The following MRPL30 variants were observed in gnomAD, a reference collection of about 807,000 sequenced individuals.
MRPL30 encodes large ribosomal subunit protein uL30m.
In MRPL30, 10 loss-of-function variants were observed where a neutral mutation model predicts 17.2. That is an observed-to-expected ratio of 0.58 (90% CI 0.36 to 0.99). The LOEUF (loss-of-function observed/expected upper bound fraction) is 0.99. Among genes scored for constraint, MRPL30 ranks in the 50% least tolerant of loss-of-function variants. The probability of loss-of-function intolerance (pLI) is 0.01; values close to 1 mark genes in which losing one functional copy is unlikely to be tolerated. For synonymous variants in MRPL30, 61 were observed against 62.1 expected (o/e 0.98, Z 0.08); for missense variants, 170 against 189.8 (o/e 0.90, Z 0.61).
At chr2:99,188,075 A>G in intron 2 of MRPL30, 102 bp from the exon 3 acceptor site, 1 of 767,110 alleles carries the variant, frequency 1.3e-6, no homozygotes, top group Non-Finnish European at 2.1e-6. Context: ...TTTAATAATT[A>G]TAGGGTAGGT....
chr2:99,191,285 G>A (rs990994575), intron 3 of MRPL30, among the ~76,000 whole-genome samples: 45 of 152,092 alleles, frequency 3.0e-4, no homozygotes, highest in Admixed American at 6.5e-4. Context: ...AATTACAGGC[G>A]TGAGCAACCA....
At chr2:99,181,726 T>C (rs963482785) in intron 1 of MRPL30, among the ~76,000 whole-genome samples, 2 of 152,174 alleles carry the variant, frequency 1.3e-5, no homozygotes, top group African/African-American at 2.4e-5. Flanking sequence ...TGTGATTTGT[T>C]ACCATTTTGA....
chr2:99,194,210 A>G (rs1051623156), intron 3 of MRPL30, among the ~76,000 whole-genome samples: 6 of 152,080 alleles, frequency 3.9e-5, no homozygotes, highest in Non-Finnish European at 8.8e-5. Context: ...TATTCGGTAT[A>G]TTTTGTATAC....
At chr2:99,191,282 G>A (rs2093945319) in intron 3 of MRPL30, among the ~76,000 whole-genome samples, 1 of 152,122 alleles carries the variant, frequency 6.6e-6, no homozygotes, top group Non-Finnish European at 1.5e-5. Flanking sequence ...TGGAATTACA[G>A]GCGTGAGCAA....
chr2:99,184,843 C>A (rs1381297180), intron 1 of MRPL30, among the ~76,000 whole-genome samples: 1 of 152,164 alleles, frequency 6.6e-6, no homozygotes, highest in Non-Finnish European at 1.5e-5. Context: ...TCTCACAGTT[C>A]CGTTGCTTTA....
At position 99,186,203 on chromosome 2, in the gene MRPL30, T is replaced by C; in HGVS notation, c.-1T>C. 2 of 1,614,018 alleles carry C rather than the reference T, an allele frequency of 1.2e-6. No individual in the cohort carries two copies. Among genetic ancestry groups the C allele is most frequent in the Non-Finnish European group, 1.7e-6 (2 of 1,179,884 alleles). ...CTCTAAAGAGAGCAATCACTACACT[T>C]ATGGCTGGGATTTTGCGCTTAGTAG... is the stretch of plus-strand genomic sequence containing the variant. On this transcript the variant is annotated 5_prime_UTR_variant, in exon 2 of 6. Transcript: ENST00000338148.
rs2093958240 is a variant in MRPL30 at position 99,198,260 on chromosome 2, C to G, written c.*2555C>G. Among the ~76,000 whole-genome samples, 1 of 152,200 alleles carries G rather than the reference C, an allele frequency of 6.6e-6. No individual in the cohort carries two copies. Among genetic ancestry groups the G allele is most frequent in the African/African-American group, 2.4e-5 (1 of 41,456 alleles). On this transcript the variant is annotated 3_prime_UTR_variant, in exon 6 of 6. Coordinates refer to ENST00000338148, the MANE Select transcript of MRPL30 (RefSeq NM_145212.4). ...GGTCGGAAGTCTAGGCGTGGCTTAG[C>G]TGGGTAGTCTGTTTAGGATCTCAGT... is the stretch of plus-strand genomic sequence containing the variant.
intron 1 of MRPL30, among the ~76,000 whole-genome samples, chr2:99,181,603 CT>C (rs5832868): frequency 0.59 from 82,569 of 140,630 alleles, 23,910 homozygotes; most frequent in East Asian, 0.87. Flanking sequence ...ATTAAGGTTG[CT>C]TTTTTTTTTT....
chr2:99,189,117 C>CAG (rs2093939553), intron 3 of MRPL30, among the ~76,000 whole-genome samples: 1 of 152,232 alleles, frequency 6.6e-6, no homozygotes, highest in Non-Finnish European at 1.5e-5. Context: ...GTGTCCCCCA[C>CAG]AACTGATGAA....
chr2:99,193,942 G>A (rs555115755), intron 3 of MRPL30, among the ~76,000 whole-genome samples: 1 of 150,810 alleles, frequency 6.6e-6, no homozygotes, highest in Admixed American at 6.7e-5. Context: ...TGAGGCTGAA[G>A]CAAGAGAATC....
At chr2:99,182,859 A>T (rs1348209173) in intron 1 of MRPL30, among the ~76,000 whole-genome samples, 1 of 152,162 alleles carries the variant, frequency 6.6e-6, no homozygotes, top group Admixed American at 6.6e-5. Flanking sequence ...AAATCTAAAA[A>T]CCCTTTTCCT....
chr2:99,191,326 TTCCTGTATTC>T (rs1275012913), intron 3 of MRPL30, among the ~76,000 whole-genome samples: 2 of 152,300 alleles, frequency 1.3e-5, no homozygotes, highest in East Asian at 1.9e-4. Flanking sequence ...TCTGAACTTA[TTCCTGTATTC>T]TCCTGTATTC....
intron 4 of MRPL30, 48 bp downstream of exon 4, chr2:99,194,945 A>C: frequency 1.3e-6 from 2 of 1,484,258 alleles, no homozygotes; most frequent in Non-Finnish European, 1.8e-6. Context: ...ATTGCTTTAA[A>C]TTTTATACTT....
In MRPL30 at chr2:99,194,841, A is replaced by G; in HGVS notation, c.223A>G (p.Thr75Ala). Residue 75 changes from threonine to alanine, a missense_variant, in exon 4 of 6, where the codon ACA (threonine) becomes GCA (alanine). Thr to Ala is a moderately conservative substitution (Grantham distance 58). Coordinates refer to ENST00000338148, the MANE Select transcript of MRPL30 (RefSeq NM_145212.4). ...KLHIVTRIKS[T>A]RRRPYWEKDI... ...GCATATTGTTACCAGAATAAAAAGTACAAGAAGACGTCCATATTGGGAAAA... is the reference window on the plus strand; with the variant it reads ...GCATATTGTTACCAGAATAAAAAGTGCAAGAAGACGTCCATATTGGGAAAA... 1 of 1,594,258 alleles carries G rather than the reference A, an allele frequency of 6.3e-7. No individual in the cohort carries two copies. The highest frequency in any genetic ancestry group is 8.5e-7 in the Non-Finnish European group (1 of 1,173,028).
rs916895780 is a variant in MRPL30, at chr2:99,194,117, A to G, written c.133-634A>G. Among the ~76,000 whole-genome samples the G allele has an allele frequency of 3.3e-5, 5 of 152,090 alleles. No individual in the cohort carries two copies. The East Asian group carries it at 7.7e-4, about 23-fold the overall frequency. ...TAATCATTTTATTTAGAATGGATGCATCATAATGTAGTTATCATGGTGAGG... is the reference window on the plus strand; with the variant it reads ...TAATCATTTTATTTAGAATGGATGCGTCATAATGTAGTTATCATGGTGAGG... On this transcript the variant is annotated intron_variant, in intron 3 of 5. Transcript: ENST00000338148.
chr2:99,195,594 A>G lies in MRPL30; in HGVS notation c.375A>G (p.Pro125=). ...HLIRIKPLKL[P]QGLPAEENMS... ...ACAGAATCAAGCCCTTGAAGTTGCC[A>G]CAAGGACTTCCAGCAGAGGAGAACA... is the stretch of plus-strand genomic sequence containing the variant. The change falls in exon 6 of 6, where the codon CCA becomes CCG. Residue 125 remains proline, a synonymous_variant. Transcript: ENST00000338148. 6.2e-7 allele frequency: 1 copy of G among 1,607,618 alleles called. No individual in the cohort carries two copies. Among genetic ancestry groups the G allele is most frequent in the Non-Finnish European group, 8.5e-7 (1 of 1,178,572 alleles).
intron 1 of MRPL30, among the ~76,000 whole-genome samples, chr2:99,182,823 A>G (rs1490702467): frequency 2.0e-5 from 3 of 152,356 alleles, no homozygotes; most frequent in East Asian, 1.9e-4. Flanking sequence ...GGATACTTCT[A>G]TGAATATAAC....
At chr2:99,188,333 A>G in intron 3 of MRPL30, 76 bp downstream of exon 3, 3 of 1,096,320 alleles carry the variant, frequency 2.7e-6, no homozygotes, top group Non-Finnish European at 3.9e-6. Flanking sequence ...TTTTTGTAAT[A>G]TTGGAAGATT....
intron 3 of MRPL30, among the ~76,000 whole-genome samples, chr2:99,189,183 T>C (rs139232637): frequency 0.011 from 1,636 of 152,322 alleles, 10 homozygotes; most frequent in Middle Eastern, 0.027. Flanking sequence ...GTGTTCAGTC[T>C]TCATGTTGTG....
Sources: gnomAD v4.1 joint callset for allele counts (sites outside exome capture counted in the v4.1 genomes callset) on GRCh38, gnomAD v4.1.1 for gene constraint, MANE v1.5 for transcripts, NCBI Gene and HGNC (gene_info 2026-07-23, HGNC 2026-07-21) for gene names.